Variants in PICALM observed in about 807,000 individuals in gnomAD.
PICALM encodes phosphatidylinositol binding clathrin assembly protein.
A neutral mutation model predicts 80.5 loss-of-function variants in PICALM; 40 were observed. That is an observed-to-expected ratio of 0.50 (90% CI 0.39 to 0.65). The LOEUF is 0.65. Ranked by LOEUF, PICALM falls within the 30% of genes least tolerant of loss-of-function variation. PICALM has a pLI of 0.00. For missense variants in PICALM, 676 were observed against 778.9 expected (o/e 0.87, Z 1.57); for synonymous variants, 288 against 260.3 (o/e 1.11, Z -1.02).
rs546120270 is a variant in PICALM, at chr11:86,041,433, C to T, written c.131-9822G>A. Among the ~76,000 whole-genome samples, 269 of 152,020 alleles carry T rather than the reference C, an allele frequency of 1.8e-3. 1 individual carries two copies. The highest frequency in any genetic ancestry group is 3.1e-3 in the Non-Finnish European group (214 of 68,016). On this transcript the variant is annotated intron_variant, in intron 1 of 19. Coordinates refer to ENST00000393346, the MANE Select transcript of PICALM (RefSeq NM_007166.4). Reference sequence around the variant, plus strand: ...CAATAAAAAGCCTCTACTTCAAGAACGGAACACAGAAGAGATTTTTTAAAA... The same window carrying T: ...CAATAAAAAGCCTCTACTTCAAGAATGGAACACAGAAGAGATTTTTTAAAA...
chr11:86,043,614 C>A (rs1003045187), intron 1 of PICALM, among the ~76,000 whole-genome samples: 2 of 152,178 alleles, frequency 1.3e-5, no homozygotes, highest in Non-Finnish European at 2.9e-5. Context: ...GTATCTTCCA[C>A]AATGTGACAC....
chr11:86,050,275 A>G (rs1393037180), intron 1 of PICALM, among the ~76,000 whole-genome samples: 1 of 151,890 alleles, frequency 6.6e-6, no homozygotes, highest in East Asian at 1.9e-4. Flanking sequence ...CCCCCCAAAA[A>G]AAAAGCCAAA....
chr11:86,041,659 G>A (rs958776134), intron 1 of PICALM, among the ~76,000 whole-genome samples: 13 of 152,058 alleles, frequency 8.5e-5, no homozygotes, highest in African/African-American at 2.9e-4. Flanking sequence ...CAAATTTACC[G>A]AACTGTTCAA....
chr11:86,051,931 A>G (rs542763685), intron 1 of PICALM, among the ~76,000 whole-genome samples: 1 of 152,348 alleles, frequency 6.6e-6, no homozygotes, highest in Non-Finnish European at 1.5e-5. Flanking sequence ...AGACTATCTG[A>G]TGAATAGGTT....
At chr11:86,067,387 G>C (rs907973658) in intron 1 of PICALM, among the ~76,000 whole-genome samples, 3 of 152,164 alleles carry the variant, frequency 2.0e-5, no homozygotes, top group African/African-American at 7.2e-5. Context: ...ATTTTTCCCT[G>C]AAAAGTTTCA....
intron 18 of PICALM, among the ~76,000 whole-genome samples, chr11:85,976,262 T>A (rs1047043932): frequency 1.6e-4 from 25 of 152,176 alleles, no homozygotes; most frequent in Admixed American, 5.2e-4. Flanking sequence ...CTCTATACAA[T>A]TCAAGTGTTA....
intron 18 of PICALM, among the ~76,000 whole-genome samples, chr11:85,975,837 T>A (rs993496923): frequency 8.5e-5 from 13 of 152,142 alleles, no homozygotes; most frequent in African/African-American, 3.1e-4. Flanking sequence ...CCTCAGGTGA[T>A]CCACCCACCT....
Position 86,032,485 on chromosome 11 carries a change from G to A in PICALM, c.131-874C>T, listed in dbSNP as rs371233559. 8.5e-5 allele frequency among the ~76,000 whole-genome samples: 13 copies of A among 152,170 alleles called. No homozygotes were observed. In the East Asian group the frequency reaches 1.4e-3, roughly 16 times the overall value. On this transcript the variant is annotated intron_variant, in intron 1 of 19. Coordinates refer to ENST00000393346, the MANE Select transcript of PICALM (RefSeq NM_007166.4). Reference sequence around the variant, plus strand: ...TAATAATACCAAAAACATTAGCTGGGCTTGGTGGCGGGCATGGGTAATCCC... The same window carrying A: ...TAATAATACCAAAAACATTAGCTGGACTTGGTGGCGGGCATGGGTAATCCC...
intron 4 of PICALM, among the ~76,000 whole-genome samples, chr11:86,017,115 C>A (rs529917360): frequency 1.3e-5 from 2 of 151,654 alleles, no homozygotes; most frequent in African/African-American, 4.9e-5. Flanking sequence ...CCCAGATACT[C>A]GGGAGGCTGA....
At chr11:85,993,198 C>T (rs1024216549) in intron 12 of PICALM, among the ~76,000 whole-genome samples, 1 of 151,970 alleles carries the variant, frequency 6.6e-6, no homozygotes, top group Non-Finnish European at 1.5e-5. Context: ...GCAATCCCCC[C>T]ACTTTAGCCT....
At chr11:86,056,812 A>ACTAT (rs2096276502) in intron 1 of PICALM, among the ~76,000 whole-genome samples, 1 of 152,256 alleles carries the variant, frequency 6.6e-6, no homozygotes, top group South Asian at 2.1e-4. Context: ...AATGTGGGTA[A>ACTAT]CTATACAAGG....
chr11:86,058,720 ATC>A (rs1387877195), intron 1 of PICALM, among the ~76,000 whole-genome samples: 1 of 152,074 alleles, frequency 6.6e-6, no homozygotes, highest in Non-Finnish European at 1.5e-5. Flanking sequence ...TTTTGATATC[ATC>A]TGTTAAGTGT....
At chr11:85,984,247 A>G (rs1316210599) in intron 13 of PICALM, among the ~76,000 whole-genome samples, 2 of 152,304 alleles carry the variant, frequency 1.3e-5, no homozygotes, top group Admixed American at 1.3e-4. Context: ...TTTTACCTTA[A>G]TTTTATATGC....
intron 1 of PICALM, among the ~76,000 whole-genome samples, chr11:86,042,895 A>T (rs1289161608): frequency 2.0e-5 from 3 of 152,300 alleles, no homozygotes; most frequent in African/African-American, 7.2e-5. Context: ...ACTATAAAGG[A>T]AAAAACATTT....
chr11:86,010,884 C>T, intron 7 of PICALM, 146 bp downstream of exon 7: 2 of 581,438 alleles, frequency 3.4e-6, no homozygotes, highest in South Asian at 4.5e-5. Flanking sequence ...ATATTCATAT[C>T]TTGCCACAGA....
chr11:86,047,470 T>C (rs1345440413), intron 1 of PICALM, among the ~76,000 whole-genome samples: 1 of 152,238 alleles, frequency 6.6e-6, no homozygotes, highest in Non-Finnish European at 1.5e-5. Context: ...CAAGCCTTAA[T>C]TTATAAGCAA....
intron 12 of PICALM, among the ~76,000 whole-genome samples, chr11:85,994,341 G>A (rs2094889505): frequency 6.6e-6 from 1 of 152,216 alleles, no homozygotes. Flanking sequence ...GCCAACAAGA[G>A]AGCTTGTGTT....
At chr11:86,035,947 C>CAAAAA (rs543040504) in intron 1 of PICALM, among the ~76,000 whole-genome samples, 1 of 66,496 alleles carries the variant, frequency 1.5e-5, no homozygotes, top group Non-Finnish European at 2.9e-5. Flanking sequence ...GACTCTGCCT[C>CAAAAA]AAAAAAAAAA....
In PICALM at chr11:86,003,397, T is replaced by C. The variant is rs1462851409; in HGVS notation, c.862A>G (p.Lys288Glu). 1.3e-6 allele frequency: 2 copies of C among 1,595,666 alleles called. No homozygotes were observed. The highest frequency in any genetic ancestry group is 1.7e-6 in the Non-Finnish European group (2 of 1,166,586). ...GCAGCTGTAGAATCTTTGATTTTCT[T>C]TCCTTCCAAGGAAGCTAAATGTTGT... The part of the protein sequence containing the change: ...LEQHLASLEG[K>E]KIKDSTAASR... Residue 288 changes from lysine (K) to glutamate (E), a missense_variant, in exon 9 of 20, where the codon AAG (lysine) becomes GAG (glutamate). By Grantham distance (56) the Lys-to-Glu change is moderately conservative. This residue lies in a region of PICALM where 285 missense variants were observed against 395.4 expected (regional missense o/e 0.72). Coordinates refer to ENST00000393346, the MANE Select transcript of PICALM (RefSeq NM_007166.4).
Sources: allele counts gnomAD v4.1 joint callset (sites outside exome capture counted in the v4.1 genomes callset), GRCh38; gene constraint gnomAD v4.1.1; regional missense constraint gnomAD v4.1.1; transcripts MANE v1.5; gene names NCBI Gene and HGNC (gene_info 2026-07-23, HGNC 2026-07-21).